Variants in LRRTM4 observed in about 807,000 individuals in gnomAD.
The protein encoded by LRRTM4 is leucine-rich repeat transmembrane neuronal protein 4.
LRRTM4 carries 25 observed loss-of-function variants against 47.6 expected under a neutral mutation model. The observed-to-expected ratio is 0.53, with a 90% CI of 0.38 to 0.73. The LOEUF (loss-of-function observed/expected upper bound fraction) is 0.73, where lower values mean the gene tolerates loss of function less well. Ranked by LOEUF, LRRTM4 falls within the 30% of genes least tolerant of loss-of-function variation. The pLI, the probability that LRRTM4 is intolerant of heterozygous loss-of-function variation, is 0.00. For missense variants in LRRTM4, 638 were observed against 713.4 expected, an observed-to-expected ratio of 0.89 and a Z score of 1.20; for synonymous variants, 311 against 269.5, an observed-to-expected ratio of 1.15 and a Z score of -1.51.
At chr2:77,243,140 C>T (rs902091035) in intron 3 of LRRTM4, among the ~76,000 whole-genome samples, 21 of 152,060 alleles carry the variant, frequency 1.4e-4, no homozygotes, top group Admixed American at 1.3e-3. Context: ...CGGCCAGGCA[C>T]GGTGGCTCAC....
At chr2:77,517,186 T>A in intron 3 of LRRTM4, 2 of 985,068 alleles carry the variant, frequency 2.0e-6, no homozygotes, top group African/African-American at 1.7e-5. Flanking sequence ...TTGTGACTAT[T>A]TGTCTGCTCA....
intron 3 of LRRTM4, among the ~76,000 whole-genome samples, chr2:76,894,049 A>T (rs1436809190): frequency 6.6e-6 from 1 of 151,956 alleles, no homozygotes; most frequent in Admixed American, 6.6e-5. Flanking sequence ...GAAAAATATC[A>T]GTTAATTAAT....
Position 77,431,263 on chromosome 2 carries a change from A to AT in LRRTM4, c.1551+87054dup, listed in dbSNP as rs559554040. On this transcript the variant is annotated intron_variant, in intron 3 of 3. Transcript: ENST00000409884. Reference sequence around the variant, plus strand: ...GAAATAAACTTCTATAAATAATACAATTTTTTTTTTGCTCAGAGTTCTGGA... The same window carrying AT: ...GAAATAAACTTCTATAAATAATACAATTTTTTTTTTTGCTCAGAGTTCTGGA... 5.5e-4 allele frequency among the ~76,000 whole-genome samples: 81 copies of AT among 146,962 alleles called. 7 individuals are homozygous for AT. The highest frequency in any genetic ancestry group is 1.0e-3 in the Admixed American group (15 of 14,926).
chr2:76,828,803 C>G (rs757200457), intron 3 of LRRTM4, among the ~76,000 whole-genome samples: 2 of 151,882 alleles, frequency 1.3e-5, no homozygotes, highest in Non-Finnish European at 1.5e-5. Flanking sequence ...AAGCCTAGCA[C>G]GAAACTCATT....
At chr2:76,933,137 T>C (rs962490874) in intron 3 of LRRTM4, among the ~76,000 whole-genome samples, 5 of 152,044 alleles carry the variant, frequency 3.3e-5, no homozygotes, top group African/African-American at 1.2e-4. Context: ...AATAAATATA[T>C]CTAAATAGCA....
rs869294320 is a variant in LRRTM4, at chr2:77,321,556, G to GC, written c.1551+196761_1551+196762insG. Among the ~76,000 whole-genome samples the GC allele has an allele frequency of 1.4e-4, 14 of 101,724 alleles. No homozygotes were observed. The South Asian group carries it at 5.0e-3, about 36-fold the overall frequency. 66.7% of individuals were successfully genotyped at this position (101,724 alleles called of 152,430 possible). A position where few individuals can be genotyped will look rare whatever the true frequency, so the allele number is the denominator to read the frequency against. On this transcript the variant is annotated intron_variant, in intron 3 of 3. Coordinates refer to ENST00000409884, the MANE Select transcript of LRRTM4 (RefSeq NM_001134745.3). ...TAAGTGTTGGCTAAATCGGGGAGGG[G>GC]GGGGGGTGTGTGAAAGAAAAGAAAA...
At chr2:77,509,312 A>G (rs756383975) in intron 3 of LRRTM4, among the ~76,000 whole-genome samples, 4 of 151,986 alleles carry the variant, frequency 2.6e-5, no homozygotes, top group Admixed American at 2.0e-4. Flanking sequence ...ATCTGATAAG[A>G]TAGGGAATTT....
At chr2:77,037,373 C>T (rs952609560) in intron 3 of LRRTM4, among the ~76,000 whole-genome samples, 6 of 151,712 alleles carry the variant, frequency 4.0e-5, no homozygotes, top group African/African-American at 1.5e-4. Context: ...ATTTATAAGG[C>T]ACTCAGTCAC....
chr2:77,342,082 C>G (rs891664680), intron 3 of LRRTM4, among the ~76,000 whole-genome samples: 11 of 151,832 alleles, frequency 7.2e-5, no homozygotes, highest in Admixed American at 7.2e-4. Flanking sequence ...TTTTGCTATA[C>G]CAATGTGCTA....
At chr2:77,200,271 A>C (rs1262104207) in intron 3 of LRRTM4, among the ~76,000 whole-genome samples, 1 of 152,114 alleles carries the variant, frequency 6.6e-6, no homozygotes, top group Non-Finnish European at 1.5e-5. Context: ...ATGTCCCAGA[A>C]ACTTGAAAGA....
chr2:77,103,388 T>C (rs1671008050), intron 3 of LRRTM4, among the ~76,000 whole-genome samples: 1 of 152,092 alleles, frequency 6.6e-6, no homozygotes. Context: ...TCTTTTGTCA[T>C]AAAAGATTAA....
intron 3 of LRRTM4, among the ~76,000 whole-genome samples, chr2:77,082,841 C>T (rs1680577265): frequency 6.6e-6 from 1 of 152,044 alleles, no homozygotes; most frequent in Non-Finnish European, 1.5e-5. Context: ...TTGTTTTAAA[C>T]ATTATATACA....
At chr2:76,943,552 C>T (rs529987978) in intron 3 of LRRTM4, among the ~76,000 whole-genome samples, 38 of 152,328 alleles carry the variant, frequency 2.5e-4, no homozygotes, top group African/African-American at 7.9e-4. Flanking sequence ...GAGTTGTCTA[C>T]ATTTATGCTG....
At chr2:77,152,668 T>C (rs890731815) in intron 3 of LRRTM4, among the ~76,000 whole-genome samples, 1 of 152,132 alleles carries the variant, frequency 6.6e-6, no homozygotes, top group Non-Finnish European at 1.5e-5. Context: ...TAAATAGAGA[T>C]AGTAATTATA....
At chr2:77,333,928 C>G (rs1190912491) in intron 3 of LRRTM4, among the ~76,000 whole-genome samples, 8 of 152,200 alleles carry the variant, frequency 5.3e-5, no homozygotes, top group Admixed American at 2.0e-4. Context: ...GGGGGCAGAG[C>G]TGCCTAAGAC....
intron 3 of LRRTM4, among the ~76,000 whole-genome samples, chr2:76,981,392 T>C (rs1193952996): frequency 1.3e-5 from 2 of 152,130 alleles, no homozygotes; most frequent in Non-Finnish European, 2.9e-5. Context: ...CTATTCCAAC[T>C]GCATACATCT....
chr2:77,081,125 A>C (rs1572936898), intron 3 of LRRTM4, among the ~76,000 whole-genome samples: 1 of 151,996 alleles, frequency 6.6e-6, no homozygotes, highest in Non-Finnish European at 1.5e-5. Flanking sequence ...GTGATAGCCT[A>C]TAATTTGCTT....
chr2:76,966,529 CGCAA>C (rs1199745921), intron 3 of LRRTM4, among the ~76,000 whole-genome samples: 3 of 151,306 alleles, frequency 2.0e-5, no homozygotes, highest in African/African-American at 7.3e-5. Flanking sequence ...AAAATAACTA[CGCAA>C]GCAAACAAAC....
chr2:77,381,643 G>T (rs1215498139), intron 3 of LRRTM4, among the ~76,000 whole-genome samples: 1 of 151,880 alleles, frequency 6.6e-6, no homozygotes. Context: ...ACCTACTATA[G>T]ATAATGAGAA....
Sources: allele counts gnomAD v4.1 joint callset (sites outside exome capture counted in the v4.1 genomes callset), GRCh38; gene constraint gnomAD v4.1.1; transcripts MANE v1.5; gene names NCBI Gene and HGNC (gene_info 2026-07-23, HGNC 2026-07-21).